The following FGD3 variants were observed in gnomAD, a reference collection of about 807,000 sequenced individuals.
FGD3 encodes FYVE, RhoGEF and PH domain-containing protein 3.
FGD3 carries 45 observed loss-of-function variants against 71.8 expected under a neutral mutation model. That is an observed-to-expected ratio of 0.63 (90% CI 0.49 to 0.80). The LOEUF is 0.80. FGD3 is among the 30% of genes least tolerant of loss of function. The probability of loss-of-function intolerance (pLI) is 0.00; values close to 1 mark genes in which losing one functional copy is unlikely to be tolerated. For missense variants in FGD3, 844 were observed against 951.5 expected (o/e 0.89, Z 1.49); for synonymous variants, 378 against 392.8 (o/e 0.96, Z 0.44).
intron 12 of FGD3, 99 bp from the exon 13 acceptor site, chr9:93,020,218 C>T (rs986095105): frequency 3.3e-5 from 39 of 1,168,852 alleles, no homozygotes; most frequent in Non-Finnish European, 4.5e-5. Context: ...TCTGGGAACG[C>T]CAAGGCCCGT....
chr9:92,979,485 G>T (rs562482676), intron 3 of FGD3, among the ~76,000 whole-genome samples: 1 of 152,118 alleles, frequency 6.6e-6, no homozygotes, highest in Non-Finnish European at 1.5e-5. Context: ...TCCTTTCAAT[G>T]TACTGTTGAA....
intron 14 of FGD3, 28 bp from the exon 15 acceptor site, chr9:93,029,846 C>T: frequency 6.2e-7 from 1 of 1,606,446 alleles, no homozygotes; most frequent in Non-Finnish European, 8.5e-7. Context: ...GATTCAGAAG[C>T]TGATGGCATC....
In FGD3 at chr9:93,036,001, C is replaced by T. The variant is rs912859179; in HGVS notation, c.*412C>T. On this transcript the variant is annotated 3_prime_UTR_variant, in exon 18 of 18. Transcript: ENST00000375482. ...CCTGTCTACACCGTGTGAGCTGAAT[C>T]GTGACTTGCTTCCCACCTCCTTTCT... 6 of 172,464 alleles carry T rather than the reference C, an allele frequency of 3.5e-5. No homozygotes were observed. The highest frequency in any genetic ancestry group is 4.9e-5 in the Non-Finnish European group (4 of 81,718). 10.7% of individuals were successfully genotyped at this position (172,464 alleles called of 1,614,324 possible).
At chr9:92,980,976 A>G (rs1000181289) in intron 3 of FGD3, among the ~76,000 whole-genome samples, 2 of 151,938 alleles carry the variant, frequency 1.3e-5, no homozygotes, top group Non-Finnish European at 2.9e-5. Context: ...ATCTCAAAAA[A>G]AAAAAAGAAA....
rs902153909 is a variant in FGD3, at chr9:93,035,542, C to T, written c.2131C>T (p.Pro711Ser). The stretch of plus-strand genomic sequence containing the variant: ...CCATGGGGACACGGCCCAGGACAGC[C>T]CGGGGGCCCTGCAGCTTCAGGTCCC... ...AAHGDTAQDSPGALQLQVPMG... is the reference protein window; with the variant it reads ...AAHGDTAQDSSGALQLQVPMG... Residue 711 changes from proline to serine, a missense_variant, in exon 18 of 18, where the codon CCG becomes TCG. Physicochemically the swap from Pro to Ser is moderately conservative, Grantham distance 74. Transcript: ENST00000375482. The T allele has an allele frequency of 1.9e-6, 3 of 1,606,990 alleles. No homozygotes were observed. Among genetic ancestry groups the T allele is most frequent in the Middle Eastern group, 1.7e-4 (1 of 5,802 alleles).
At chr9:93,016,616 A>G (rs1415682077) in intron 10 of FGD3, among the ~76,000 whole-genome samples, 1 of 151,074 alleles carries the variant, frequency 6.6e-6, no homozygotes, top group Non-Finnish European at 1.5e-5. Context: ...GATTACAGGC[A>G]TGAGCCACCG....
At chr9:92,948,636 G>T (rs1181479321) in intron 1 of FGD3, among the ~76,000 whole-genome samples, 1 of 152,256 alleles carries the variant, frequency 6.6e-6, no homozygotes, top group Non-Finnish European at 1.5e-5. Flanking sequence ...GTGTGCACAG[G>T]ATTTAATGTT....
intron 1 of FGD3, among the ~76,000 whole-genome samples, chr9:92,959,282 ATTATT>A (rs1859125210): frequency 6.6e-6 from 1 of 151,938 alleles, no homozygotes. Context: ...TATTATAGTA[ATTATT>A]TTATTAATGA....
At chr9:92,990,127 T>C (rs1860350568) in intron 3 of FGD3, among the ~76,000 whole-genome samples, 1 of 152,034 alleles carries the variant, frequency 6.6e-6, no homozygotes, top group Non-Finnish European at 1.5e-5. Flanking sequence ...TGTGATACAA[T>C]ATAGGTTTTC....
chr9:93,018,044 C>A (rs1483467247), intron 10 of FGD3, 92 bp from the exon 11 acceptor site: 1 of 1,255,202 alleles, frequency 8.0e-7, no homozygotes, highest in African/African-American at 1.5e-5. Flanking sequence ...TCTGTTACCT[C>A]CTTGGGGAAA....
rs1444426382 is a variant in FGD3 at position 93,010,242 on chromosome 9, A to G, written c.838-4A>G. On this transcript the variant is annotated splice_polypyrimidine_tract_variant and splice_region_variant and intron_variant, in intron 6 of 17. Transcript: ENST00000375482. The stretch of plus-strand genomic sequence containing the variant: ...AGTGCCCAATGCTCCCTCTGTCCCC[A>G]CAGAAGCAGGAGGTATGCGGGAACC... 1 of 1,604,690 alleles carries G rather than the reference A, an allele frequency of 6.2e-7. No individual in the cohort carries two copies. The highest frequency in any genetic ancestry group is 8.5e-7 in the Non-Finnish European group (1 of 1,173,200).
intron 14 of FGD3, among the ~76,000 whole-genome samples, chr9:93,024,004 T>C (rs906519425): frequency 3.3e-5 from 5 of 151,986 alleles, no homozygotes; most frequent in African/African-American, 7.2e-5. Flanking sequence ...GGTTTCACCA[T>C]GTTGGCCAGG....
chr9:92,983,160 G>C (rs148420099), intron 3 of FGD3, among the ~76,000 whole-genome samples: 3 of 151,960 alleles, frequency 2.0e-5, no homozygotes, highest in African/African-American at 7.3e-5. Context: ...AAGTCTTATG[G>C]TGCCACAGTC....
intron 1 of FGD3, 36 bp downstream of exon 1, chr9:92,947,765 G>T (rs149300556): frequency 1.3e-5 from 2 of 152,448 alleles, no homozygotes; most frequent in Non-Finnish European, 2.9e-5. Flanking sequence ...GGCAATTTTC[G>T]CTTGTTTCAG....
At chr9:93,021,440 G>A (rs939180643) in intron 13 of FGD3, among the ~76,000 whole-genome samples, 12 of 152,154 alleles carry the variant, frequency 7.9e-5, no homozygotes, top group Non-Finnish European at 1.6e-4. Flanking sequence ...AGAGGATTGG[G>A]TGAGGAGGCC....
intron 15 of FGD3, among the ~76,000 whole-genome samples, chr9:93,030,441 C>T (rs562009946): frequency 1.3e-4 from 20 of 152,334 alleles, no homozygotes; most frequent in African/African-American, 2.9e-4. Flanking sequence ...CTCCGACTGG[C>T]GCCCCAGCTG....
intron 3 of FGD3, among the ~76,000 whole-genome samples, chr9:92,980,174 C>A (rs141384135): frequency 1.4e-3 from 218 of 152,214 alleles, no homozygotes; most frequent in Non-Finnish European, 2.7e-3. Context: ...GCGTGTGCCA[C>A]CACGCCCAGC....
In FGD3 at chr9:92,976,729, T is replaced by A. The variant is rs1243569930; in HGVS notation, c.453+20T>A. 1 of 1,543,118 alleles carries A rather than the reference T, an allele frequency of 6.5e-7. No homozygotes were observed. Among genetic ancestry groups the A allele is most frequent in the South Asian group, 1.2e-5 (1 of 81,020 alleles). On this transcript the variant is annotated intron_variant, in intron 3 of 17. Transcript: ENST00000375482. Reference sequence around the variant, plus strand: ...GCCCAGGTAGGCTTCCCCTTCTCTGTCCCCGCTGCGGGCTGCAGGCCTTTC... The same window carrying A: ...GCCCAGGTAGGCTTCCCCTTCTCTGACCCCGCTGCGGGCTGCAGGCCTTTC...
intron 1 of FGD3, among the ~76,000 whole-genome samples, chr9:92,959,905 C>T (rs1859137887): frequency 6.6e-6 from 1 of 151,598 alleles, no homozygotes; most frequent in African/African-American, 2.4e-5. Flanking sequence ...GCCCTCATTT[C>T]TCTATGTCCA....
Sources: gnomAD v4.1 joint callset for allele counts (sites outside exome capture counted in the v4.1 genomes callset) on GRCh38, gnomAD v4.1.1 for gene constraint, MANE v1.5 for transcripts, NCBI Gene and HGNC (gene_info 2026-07-23, HGNC 2026-07-21) for gene names.